HMGCLL1: variants seen among roughly 807,000 people sequenced by gnomAD.
The protein encoded by HMGCLL1 is 3-hydroxy-3-methylglutaryl-CoA lyase like 1, also known as 3-hydroxymethyl-3-methylglutaryl-CoA lyase, cytoplasmic.
Under a neutral mutation model 39.1 loss-of-function variants are expected in HMGCLL1, and 36 were observed. The observed-to-expected ratio is 0.92, with a 90% CI of 0.71 to 1.22. The LOEUF is 1.22. Ranked by LOEUF, HMGCLL1 falls within the 50% of genes most tolerant of loss-of-function variation. HMGCLL1 has a pLI of 0.00. For missense variants in HMGCLL1, 451 were observed against 416.5 expected, an observed-to-expected ratio of 1.08 and a Z score of -0.72; for synonymous variants, 149 against 144.0, an observed-to-expected ratio of 1.03 and a Z score of -0.25.
At position 55,528,222 on chromosome 6, in the gene HMGCLL1, T is replaced by C. The variant is rs562618050; in HGVS notation, c.298-11619A>G. Among the ~76,000 whole-genome samples, 8 of 152,162 alleles carry C rather than the reference T, an allele frequency of 5.3e-5. No individual in the cohort carries two copies. The East Asian group carries it at 7.7e-4, about 15-fold the overall frequency. Reference sequence around the variant, plus strand: ...CTGGATTAGACATAACTGACAGTATTACTTTCTATATGCAGGCGTACAACA... The same window carrying C: ...CTGGATTAGACATAACTGACAGTATCACTTTCTATATGCAGGCGTACAACA... On this transcript the variant is annotated intron_variant, in intron 3 of 8. Coordinates refer to ENST00000274901, the MANE Select transcript of HMGCLL1 (RefSeq NM_001042406.2).
At chr6:55,593,526 C>T in the HMGCLL1 span, among the ~76,000 whole-genome samples, 1 of 152,220 alleles carries the variant, frequency 6.6e-6, no homozygotes, top group South Asian at 2.1e-4. Flanking sequence ...TATCACACAG[C>T]ATAATTTATA....
chr6:55,528,685 A>C (rs1474773618), intron 3 of HMGCLL1, among the ~76,000 whole-genome samples: 1 of 151,650 alleles, frequency 6.6e-6, no homozygotes, highest in East Asian at 1.9e-4. Flanking sequence ...TGCCAAAGCT[A>C]AAATAGACTG....
chr6:55,528,786 C>G (rs1262024898), intron 3 of HMGCLL1, among the ~76,000 whole-genome samples: 1 of 151,992 alleles, frequency 6.6e-6, no homozygotes, highest in African/African-American at 2.4e-5. Context: ...TTCAGCATTA[C>G]CTTTGTGTAC....
rs1041333978 is a variant in HMGCLL1 at position 55,434,484 on chromosome 6, A to G, written c.*1178T>C. On this transcript the variant is annotated 3_prime_UTR_variant, in exon 9 of 9. Coordinates refer to ENST00000274901, the MANE Select transcript of HMGCLL1 (RefSeq NM_001042406.2). ...ATATTCAAATTTACTCAAAGATAAT[A>G]TCACCCGGTATTATTAGAGAAGTCT... 3 of 152,194 alleles carry G rather than the reference A, an allele frequency of 2.0e-5. No individual in the cohort carries two copies. Among genetic ancestry groups the G allele is most frequent in the Non-Finnish European group, 4.4e-5 (3 of 67,988 alleles). The allele number at this position is 152,194 out of a possible 1,614,324, so 9.4% of individuals were successfully genotyped here.
At chr6:55,454,659 C>G (rs1185047278) in intron 7 of HMGCLL1, among the ~76,000 whole-genome samples, 2 of 152,138 alleles carry the variant, frequency 1.3e-5, no homozygotes, top group African/African-American at 2.4e-5. Context: ...ATAGTCATAT[C>G]TCCAGGGAAA....
intron 7 of HMGCLL1, among the ~76,000 whole-genome samples, chr6:55,473,279 T>C (rs1765126168): frequency 1.3e-5 from 2 of 151,522 alleles, no homozygotes; most frequent in Admixed American, 6.6e-5. Flanking sequence ...ATATCCACCA[T>C]ATTTATAAAT....
intron 7 of HMGCLL1, among the ~76,000 whole-genome samples, chr6:55,484,494 C>T (rs1386571326): frequency 1.3e-5 from 2 of 152,056 alleles, no homozygotes; most frequent in Admixed American, 6.6e-5. Flanking sequence ...TACTCAAAAG[C>T]TCCATCTAGA....
upstream of HMGCLL1, among the ~76,000 whole-genome samples, chr6:55,582,131 T>C (rs1771996296): frequency 6.6e-6 from 1 of 152,150 alleles, no homozygotes; most frequent in South Asian, 2.1e-4. Flanking sequence ...TAAGAGTTGG[T>C]TCTAGATTAT....
chr6:55,622,630 T>G, the HMGCLL1 span, among the ~76,000 whole-genome samples: 2 of 152,118 alleles, frequency 1.3e-5, no homozygotes, highest in South Asian at 4.1e-4. Context: ...TGATGAGTGG[T>G]CTTTTTAATG....
rs147597644 is a variant in HMGCLL1 at position 55,523,630 on chromosome 6, C to T, written c.298-7027G>A. 4.1e-3 allele frequency among the ~76,000 whole-genome samples: 621 copies of T among 152,008 alleles called. 5 individuals carry two copies. The highest frequency in any genetic ancestry group is 0.014 in the African/African-American group (593 of 41,492). ...GAATGTTGGTGTAAATATTCTCATA[C>T]ACTGAAAATATATAAAACCCAGTAT... On this transcript the variant is annotated intron_variant, in intron 3 of 8. Coordinates refer to ENST00000274901, the MANE Select transcript of HMGCLL1 (RefSeq NM_001042406.2).
At chr6:55,586,503 T>C in the HMGCLL1 span, among the ~76,000 whole-genome samples, 3 of 151,934 alleles carry the variant, frequency 2.0e-5, no homozygotes, top group African/African-American at 4.8e-5. Flanking sequence ...CAATAACTCA[T>C]CATTTACATT....
At chr6:55,547,018 T>G (rs2127462131) in intron 1 of HMGCLL1, among the ~76,000 whole-genome samples, 1 of 152,144 alleles carries the variant, frequency 6.6e-6, no homozygotes, top group East Asian at 1.9e-4. Context: ...TCCAAAGAAC[T>G]TTTCTATCTG....
At chr6:55,590,966 T>A in the HMGCLL1 span, among the ~76,000 whole-genome samples, 1 of 151,950 alleles carries the variant, frequency 6.6e-6, no homozygotes, top group Non-Finnish European at 1.5e-5. Context: ...GAAAAACTAT[T>A]CGGAAGTAAC....
rs899224187 is a variant in HMGCLL1, at chr6:55,479,230, C to T, written c.795+16189G>A. The stretch of plus-strand genomic sequence containing the variant: ...AAGTCCTGTGGCAGCCTTTCCACAT[C>T]TGTCATGGGAACTTTAACTGTCAGG... On this transcript the variant is annotated intron_variant, in intron 7 of 8. Transcript: ENST00000274901. 2.0e-5 allele frequency among the ~76,000 whole-genome samples: 3 copies of T among 151,530 alleles called. 1 individual carries two copies. Among genetic ancestry groups the T allele is most frequent in the East Asian group, 1.9e-4 (1 of 5,184 alleles).
At chr6:55,451,218 G>A (rs1293885285) in intron 7 of HMGCLL1, among the ~76,000 whole-genome samples, 4 of 152,114 alleles carry the variant, frequency 2.6e-5, no homozygotes, top group African/African-American at 9.7e-5. Context: ...GCAAATCACA[G>A]ACTTTTACAA....
At chr6:55,465,532 T>G (rs1764761126) in intron 7 of HMGCLL1, among the ~76,000 whole-genome samples, 1 of 152,098 alleles carries the variant, frequency 6.6e-6, no homozygotes, top group Non-Finnish European at 1.5e-5. Flanking sequence ...CCTTGCTTGA[T>G]TTTTTAAATT....
chr6:55,606,432 C>A, the HMGCLL1 span, among the ~76,000 whole-genome samples: 1 of 152,054 alleles, frequency 6.6e-6, no homozygotes, highest in Non-Finnish European at 1.5e-5. Context: ...CAGTTAGTGG[C>A]AGAGATAAGA....
rs187892078 is a variant in HMGCLL1 at position 55,502,921 on chromosome 6, T to G, written c.543-3622A>C. 2.0e-5 allele frequency among the ~76,000 whole-genome samples: 3 copies of G among 151,842 alleles called. No homozygotes were observed. In the East Asian group the frequency reaches 5.8e-4, roughly 29 times the overall value. Reference sequence around the variant, plus strand: ...GTTCTTACTTTGCCTCTATAAACATTTCATGTGGTTAACTTATAATCTTTT... The same window carrying G: ...GTTCTTACTTTGCCTCTATAAACATGTCATGTGGTTAACTTATAATCTTTT... On this transcript the variant is annotated intron_variant, in intron 5 of 8. Transcript: ENST00000274901.
intron 5 of HMGCLL1, chr6:55,512,723 CACTT>C (rs1237512403): frequency 1.3e-5 from 2 of 152,028 alleles, no homozygotes; most frequent in African/African-American, 2.4e-5. Context: ...ACAATTGACT[CACTT>C]ATCTTTCTCA....
Sources: gnomAD v4.1 joint callset for allele counts (sites outside exome capture counted in the v4.1 genomes callset) on GRCh38, gnomAD v4.1.1 for gene constraint, MANE v1.5 for transcripts, NCBI Gene and HGNC (gene_info 2026-07-23, HGNC 2026-07-21) for gene names.